TRAF2: variants seen among roughly 807,000 people sequenced by gnomAD.
The protein encoded by TRAF2 is TNF receptor associated factor 2.
In TRAF2, 6 loss-of-function variants were observed where a neutral mutation model predicts 55.6. That is an observed-to-expected ratio of 0.11 (90% CI 0.06 to 0.21). The LOEUF (loss-of-function observed/expected upper bound fraction) is 0.21, where lower values mean the gene tolerates loss of function less well. TRAF2 is among the 10% of genes least tolerant of loss of function. TRAF2 has a pLI of 1.00. For missense variants in TRAF2, 561 were observed against 684.5 expected (o/e 0.82, Z 2.01); for synonymous variants, 329 against 276.3 (o/e 1.19, Z -1.89).
At chr9:136,920,574 G>C in intron 8 of TRAF2, 59 bp downstream of exon 8, 3 of 1,527,362 alleles carry the variant, frequency 2.0e-6, no homozygotes, top group Admixed American at 2.0e-5. Context: ...GATAGTGTTC[G>C]TGCCCCAGCA....
At chr9:136,882,678 C>T (rs961545729), upstream of TRAF2, 42 of 985,476 alleles carry the variant, frequency 4.3e-5, no homozygotes, top group Non-Finnish European at 4.7e-5. Context: ...AAGGAGCCCA[C>T]GTGGGAATCC....
chr9:136,919,829 C>T (rs1850341341), intron 7 of TRAF2, among the ~76,000 whole-genome samples: 1 of 152,094 alleles, frequency 6.6e-6, no homozygotes, highest in South Asian at 2.1e-4. Context: ...GATCCTCCCA[C>T]CTCAGCCTCC....
Position 136,900,169 on chromosome 9 carries a change from T to TAA in TRAF2, c.268-241_268-240dup, listed in dbSNP as rs758259445. On this transcript the variant is annotated intron_variant, in intron 3 of 10. Coordinates refer to ENST00000247668, the MANE Select transcript of TRAF2 (RefSeq NM_021138.4). Reference sequence around the variant, plus strand: ...GGGTTACAAAGTGAGACCCCTCCTTTAAAAAAAAAAAAAGAATAAAGGGCC... The same window carrying TAA: ...GGGTTACAAAGTGAGACCCCTCCTTTAAAAAAAAAAAAAAAGAATAAAGGGCC... Among the ~76,000 whole-genome samples, 25 of 106,788 alleles carry TAA rather than the reference T, an allele frequency of 2.3e-4. 1 individual carries two copies. The highest frequency in any genetic ancestry group is 2.1e-3 in the East Asian group (8 of 3,854). 70.1% of individuals were successfully genotyped at this position (106,788 alleles called of 152,430 possible). A position where few individuals can be genotyped will look rare whatever the true frequency, so the allele number is the denominator to read the frequency against.
At chr9:136,896,516 A>T (rs1564406349) in intron 1 of TRAF2, among the ~76,000 whole-genome samples, 1 of 152,198 alleles carries the variant, frequency 6.6e-6, no homozygotes, top group Non-Finnish European at 1.5e-5. Flanking sequence ...GTGCCGTGGA[A>T]GTTCCTTGTG....
At chr9:136,885,956 G>C (rs1849436051), upstream of TRAF2, 1 of 152,234 alleles carries the variant, frequency 6.6e-6, no homozygotes, top group Non-Finnish European at 1.5e-5. Context: ...AAATTGAGGC[G>C]CCGCTCTGCG....
chr9:136,896,744 G>T (rs1036909353), intron 1 of TRAF2, among the ~76,000 whole-genome samples: 5 of 152,022 alleles, frequency 3.3e-5, no homozygotes, highest in African/African-American at 1.2e-4. Flanking sequence ...GAGTAGCTGG[G>T]ACTACAGGCG....
At chr9:136,897,515 A>C (rs1392165982) in intron 1 of TRAF2, among the ~76,000 whole-genome samples, 16 of 132,696 alleles carry the variant, frequency 1.2e-4, no homozygotes, top group South Asian at 7.5e-4. Flanking sequence ...TTCCTGCTCT[A>C]GGGGCTGGAG....
chr9:136,897,701 A>G (rs991197886), intron 1 of TRAF2, among the ~76,000 whole-genome samples: 8 of 135,634 alleles, frequency 5.9e-5, no homozygotes, highest in African/African-American at 2.3e-4. Context: ...AAGGGAATGC[A>G]CTAGGCAGCC....
chr9:136,914,934 C>CT (rs1850205453), intron 6 of TRAF2, among the ~76,000 whole-genome samples: 1 of 150,710 alleles, frequency 6.6e-6, no homozygotes, highest in Non-Finnish European at 1.5e-5. Context: ...TATCCCAGCA[C>CT]TTTGAAAGGC....
chr9:136,910,155 G>C, intron 6 of TRAF2, 161 bp downstream of exon 6: 1 of 768,902 alleles, frequency 1.3e-6, no homozygotes, highest in Non-Finnish European at 2.1e-6. Context: ...TCAGGGTGGC[G>C]GCCGCTCTCC....
chr9:136,924,881 G>GGC (rs752876024), intron 10 of TRAF2, among the ~76,000 whole-genome samples: 6 of 152,006 alleles, frequency 3.9e-5, no homozygotes, highest in Non-Finnish European at 8.8e-5. Context: ...TGGGACTACA[G>GGC]GCATGCACCA....
intron 1 of TRAF2, among the ~76,000 whole-genome samples, chr9:136,897,583 G>A (rs1259996345): frequency 1.4e-5 from 2 of 141,928 alleles, no homozygotes; most frequent in African/African-American, 2.6e-5. Flanking sequence ...GCTACGTTCC[G>A]CTCTCGGGGC....
rs1340212515 is a variant in TRAF2, at chr9:136,919,564, G to A, written c.679-670G>A. ...CCCACCTTGGCCTCCCAAAGTGCTG[G>A]GATTACAGGCGGGAGCCACCATGCC... On this transcript the variant is annotated intron_variant, in intron 7 of 10. Coordinates refer to ENST00000247668, the MANE Select transcript of TRAF2 (RefSeq NM_021138.4). 2.6e-5 allele frequency among the ~76,000 whole-genome samples: 4 copies of A among 152,030 alleles called. No homozygotes were observed. In the East Asian group the frequency reaches 7.7e-4, roughly 29 times the overall value.
chr9:136,908,692 C>T (rs17250379), intron 5 of TRAF2, among the ~76,000 whole-genome samples: 94 of 152,214 alleles, frequency 6.2e-4, no homozygotes, highest in African/African-American at 2.1e-3. Flanking sequence ...TGGTGAAACC[C>T]TGTCTCTACT....
chr9:136,922,017 T>G (rs2131332748), intron 9 of TRAF2, among the ~76,000 whole-genome samples: 1 of 152,316 alleles, frequency 6.6e-6, no homozygotes, highest in East Asian at 1.9e-4. Flanking sequence ...GATAGAATCT[T>G]AGGTTCTAGG....
At chr9:136,919,696 T>G (rs994439340) in intron 7 of TRAF2, among the ~76,000 whole-genome samples, 1 of 59,796 alleles carries the variant, frequency 1.7e-5, no homozygotes, top group Non-Finnish European at 3.4e-5. Context: ...CCTTCATCCC[T>G]TCATCTCGTC....
rs571378781 is a variant in TRAF2, at chr9:136,889,923, T to C, written c.-29+3382T>C. Among the ~76,000 whole-genome samples, 31 of 145,996 alleles carry C rather than the reference T, an allele frequency of 2.1e-4. No homozygotes were observed. The South Asian group carries it at 6.5e-3, about 31-fold the overall frequency. On this transcript the variant is annotated intron_variant, in intron 1 of 10. Transcript: ENST00000247668. ...TGTGTGATAATCACCCCCGCATGCT[T>C]GTTCAGCTCGTCACCGCGTGTGTGA...
In TRAF2 at chr9:136,920,727, C is replaced by G. The variant is rs986573755; in HGVS notation, c.960+212C>G. Reference sequence around the variant, plus strand: ...TAAGGGGCCCAAACCCTGGAAGGTCCTAGAGGCCAGGCCGTGGGCAGGAGC... The same window carrying G: ...TAAGGGGCCCAAACCCTGGAAGGTCGTAGAGGCCAGGCCGTGGGCAGGAGC... On this transcript the variant is annotated intron_variant, in intron 8 of 10. Transcript: ENST00000247668. Among the ~76,000 whole-genome samples the G allele has an allele frequency of 3.3e-5, 5 of 152,318 alleles. No homozygotes were observed. The East Asian group carries it at 5.8e-4, about 18-fold the overall frequency.
chr9:136,896,360 C>T (rs1416057780), intron 1 of TRAF2, among the ~76,000 whole-genome samples: 1 of 152,200 alleles, frequency 6.6e-6, no homozygotes, highest in Admixed American at 6.6e-5. Context: ...CAGTGGGTTT[C>T]GGGTCCTCAT....
Sources: allele counts gnomAD v4.1 joint callset (sites outside exome capture counted in the v4.1 genomes callset), GRCh38; gene constraint gnomAD v4.1.1; transcripts MANE v1.5; gene names NCBI Gene and HGNC (gene_info 2026-07-23, HGNC 2026-07-21).